The following EHBP1 variants were observed in gnomAD, a reference collection of about 807,000 sequenced individuals.
EHBP1 encodes the protein EH domain-binding protein 1.
A neutral mutation model predicts 144.0 loss-of-function variants in EHBP1; 55 were observed. The ratio of observed to expected loss-of-function variants is 0.38; its 90% CI spans 0.31 to 0.48. The LOEUF is 0.48. EHBP1 is among the 20% of genes least tolerant of loss of function. EHBP1 has a pLI of 0.98. For missense variants in EHBP1, 1,200 were observed against 1,364.2 expected, an observed-to-expected ratio of 0.88 and a Z score of 1.90; for synonymous variants, 469 against 472.7, an observed-to-expected ratio of 0.99 and a Z score of 0.10.
At chr2:62,935,635 T>G (rs1314369479) in intron 10 of EHBP1, among the ~76,000 whole-genome samples, 4 of 152,130 alleles carry the variant, frequency 2.6e-5, no homozygotes, top group Non-Finnish European at 5.9e-5. Flanking sequence ...TCAATTATAT[T>G]ATTTGTAAAT....
intron 19 of EHBP1, among the ~76,000 whole-genome samples, chr2:63,003,482 A>G (rs1332122350): frequency 6.6e-6 from 1 of 152,096 alleles, no homozygotes; most frequent in African/African-American, 2.4e-5. Context: ...CTGATATCAG[A>G]CATATTACAG....
intron 2 of EHBP1, among the ~76,000 whole-genome samples, chr2:62,716,894 A>G (rs2035738949): frequency 6.6e-6 from 1 of 152,148 alleles, no homozygotes; most frequent in South Asian, 2.1e-4. Context: ...ACCTGCTACA[A>G]TTTATGATGT....
intron 5 of EHBP1, among the ~76,000 whole-genome samples, chr2:62,783,796 A>T (rs1016459025): frequency 6.6e-6 from 1 of 152,112 alleles, no homozygotes; most frequent in African/African-American, 2.4e-5. Flanking sequence ...AACTGGGGAC[A>T]TTTTCCCCAT....
intron 2 of EHBP1, among the ~76,000 whole-genome samples, chr2:62,723,516 C>T (rs2036441236): frequency 6.6e-6 from 1 of 152,038 alleles, no homozygotes; most frequent in Non-Finnish European, 1.5e-5. Context: ...GGATTTGATC[C>T]TGTCATCGTG....
chr2:62,803,380 A>G (rs2044189590), intron 5 of EHBP1, among the ~76,000 whole-genome samples: 1 of 152,210 alleles, frequency 6.6e-6, no homozygotes, highest in Non-Finnish European at 1.5e-5. Flanking sequence ...ATAACAGGCT[A>G]TAACTGTTTA....
intron 5 of EHBP1, among the ~76,000 whole-genome samples, chr2:62,825,376 G>T (rs144324162): frequency 3.3e-5 from 5 of 152,110 alleles, no homozygotes; most frequent in Non-Finnish European, 7.4e-5. Context: ...TAGCAAATAG[G>T]TTTCATTTTG....
intron 5 of EHBP1, among the ~76,000 whole-genome samples, chr2:62,790,894 T>C (rs1054541360): frequency 1.3e-5 from 2 of 152,076 alleles, no homozygotes; most frequent in Admixed American, 6.5e-5. Flanking sequence ...CTATTTCAAA[T>C]TAGTGTTGTA....
chr2:62,845,524 A>T (rs1017299371), intron 7 of EHBP1, among the ~76,000 whole-genome samples: 3 of 152,142 alleles, frequency 2.0e-5, no homozygotes, highest in Admixed American at 6.6e-5. Flanking sequence ...TACTAGGGCT[A>T]TGAATGGAGA....
Position 63,014,312 on chromosome 2 carries a change from T to C in EHBP1, c.3103+17546T>C, listed in dbSNP as rs887538311. Among the ~76,000 whole-genome samples the C allele has an allele frequency of 3.9e-5, 6 of 152,212 alleles. 1 individual carries two copies. In the East Asian group the frequency reaches 1.2e-3, roughly 29 times the overall value. ...CTTTAGCTGTATTAAATGCTTAAAG[T>C]GTTCTGCTTTTCCATGTAGCCTTGA... is the stretch of plus-strand genomic sequence containing the variant. On this transcript the variant is annotated intron_variant, in intron 19 of 22. Coordinates refer to ENST00000431489, the MANE Select transcript of EHBP1 (RefSeq NM_001142616.3).
intron 1 of EHBP1, among the ~76,000 whole-genome samples, chr2:62,700,224 TAA>T (rs1159799360): frequency 6.6e-6 from 1 of 152,188 alleles, no homozygotes; most frequent in African/African-American, 2.4e-5. Context: ...ATTATTTTAT[TAA>T]GAGTTATTAT....
intron 21 of EHBP1, 23 bp downstream of exon 21, chr2:63,038,839 G>A: frequency 6.2e-7 from 1 of 1,600,668 alleles, no homozygotes. Flanking sequence ...ATGGTGGGGT[G>A]AGGTATGTGA....
chr2:62,998,643 C>T (rs1005128300), intron 19 of EHBP1, among the ~76,000 whole-genome samples: 4 of 152,152 alleles, frequency 2.6e-5, no homozygotes, highest in African/African-American at 4.8e-5. Flanking sequence ...CTCCTTCCTA[C>T]CCAACATATC....
rs543305713 is a variant in EHBP1, at chr2:62,738,955, G to A, written c.105-8440G>A. On this transcript the variant is annotated intron_variant, in intron 2 of 22. Transcript: ENST00000431489. ...GGCTTTCATTAGATGATCTTTGGTTGCCTGTTCGCATTTAAGAGGGAGACT... is the reference window on the plus strand; with the variant it reads ...GGCTTTCATTAGATGATCTTTGGTTACCTGTTCGCATTTAAGAGGGAGACT... 1.9e-4 allele frequency among the ~76,000 whole-genome samples: 29 copies of A among 152,156 alleles called. No individual in the cohort carries two copies. In the South Asian group the frequency reaches 3.1e-3, roughly 16 times the overall value.
At position 62,825,142 on chromosome 2, in the gene EHBP1, GTTATTTACACATTATCCTACAT is replaced by G. The variant is rs573454823; in HGVS notation, c.313-944_313-923del. 2.2e-3 allele frequency among the ~76,000 whole-genome samples: 339 copies of G among 152,056 alleles called. 2 individuals are homozygous for G. Among genetic ancestry groups the G allele is most frequent in the Non-Finnish European group, 2.0e-3 (137 of 67,850 alleles). Reference sequence around the variant, plus strand: ...TAATGGTACATGATTTCTGATTTATGTTATTTACACATTATCCTACATCTGAAATTTTCCCTTTGCCATAGAA... The same window carrying G: ...TAATGGTACATGATTTCTGATTTATGCTGAAATTTTCCCTTTGCCATAGAA... On this transcript the variant is annotated intron_variant, in intron 5 of 22. Transcript: ENST00000431489.
chr2:63,025,243 T>C (rs2060925655), intron 19 of EHBP1, among the ~76,000 whole-genome samples: 1 of 152,204 alleles, frequency 6.6e-6, no homozygotes, highest in Non-Finnish European at 1.5e-5. Flanking sequence ...AATGAAGTAC[T>C]GTGTCAACAG....
chr2:62,894,539 C>A (rs561532130), intron 10 of EHBP1, among the ~76,000 whole-genome samples: 4 of 152,064 alleles, frequency 2.6e-5, no homozygotes, highest in Non-Finnish European at 5.9e-5. Context: ...AACAGGTGGG[C>A]AAATGCATTG....
At chr2:62,889,249 G>T (rs1489696545) in intron 10 of EHBP1, among the ~76,000 whole-genome samples, 4 of 142,028 alleles carry the variant, frequency 2.8e-5, no homozygotes, top group Non-Finnish European at 4.6e-5. Flanking sequence ...GTGTGTGTGT[G>T]TTTTTTTTTT....
chr2:62,985,330 T>A (rs1214263221), intron 15 of EHBP1, among the ~76,000 whole-genome samples: 2 of 152,192 alleles, frequency 1.3e-5, no homozygotes, highest in Non-Finnish European at 2.9e-5. Context: ...AAGAGTGATA[T>A]TATAGAAATA....
chr2:62,797,120 T>C (rs1362123051), intron 5 of EHBP1, among the ~76,000 whole-genome samples: 1 of 152,232 alleles, frequency 6.6e-6, no homozygotes, highest in Non-Finnish European at 1.5e-5. Flanking sequence ...TGGTAAAATA[T>C]GAACATGTAG....
Sources: gnomAD v4.1 joint callset for allele counts (sites outside exome capture counted in the v4.1 genomes callset) on GRCh38, gnomAD v4.1.1 for gene constraint, MANE v1.5 for transcripts, NCBI Gene and HGNC (gene_info 2026-07-23, HGNC 2026-07-21) for gene names.